The following ABCB7 variants were observed in gnomAD, a reference collection of about 807,000 sequenced individuals.
ABCB7 encodes the protein ATP binding cassette subfamily B member 7.
A neutral mutation model predicts 54.4 loss-of-function variants in ABCB7; 7 were observed. That is an observed-to-expected ratio of 0.13 (90% CI 0.07 to 0.24). The LOEUF (loss-of-function observed/expected upper bound fraction) is 0.24. Among genes scored for constraint, ABCB7 ranks in the 10% least tolerant of loss-of-function variants. The pLI is 1.00. For missense variants in ABCB7, 356 were observed against 570.4 expected (o/e 0.62, Z 3.83); for synonymous variants, 218 against 207.1 (o/e 1.05, Z -0.45).
chrX:75,137,654 A>G (rs1468819116), intron 1 of ABCB7, among the ~76,000 whole-genome samples: 3 of 112,685 alleles, frequency 2.7e-5, no homozygotes, highest in African/African-American at 9.7e-5. Flanking sequence ...GGTGGACTGA[A>G]TAAAGAAAAT....
chrX:75,127,027 A>G (rs1294718363), intron 1 of ABCB7, among the ~76,000 whole-genome samples: 1 of 111,710 alleles, frequency 9.0e-6, no homozygotes, highest in Non-Finnish European at 1.9e-5. Flanking sequence ...CAAACAATGG[A>G]AAAAAAGGGA....
At chrX:75,106,016 A>G (rs2081697447) in intron 3 of ABCB7, among the ~76,000 whole-genome samples, 1 of 112,031 alleles carries the variant, frequency 8.9e-6, no homozygotes, top group African/African-American at 3.2e-5. Context: ...AGCCTAGAAG[A>G]AAACCTAGAA....
intron 15 of ABCB7, among the ~76,000 whole-genome samples, chrX:75,054,667 A>G (rs1427228353): frequency 9.2e-6 from 1 of 108,831 alleles, no homozygotes; most frequent in Non-Finnish European, 1.9e-5. Context: ...TCTCAACAGT[A>G]TTTTTCTCAT....
chrX:75,070,608 G>A (rs2081356555), intron 9 of ABCB7, 86 bp from the exon 10 acceptor site: 30 of 927,566 alleles, frequency 3.2e-5, no homozygotes, highest in South Asian at 2.1e-4. Context: ...CTATTACGAC[G>A]GAACAAAATA....
intron 1 of ABCB7, among the ~76,000 whole-genome samples, chrX:75,115,128 C>T (rs1383006988): frequency 1.9e-5 from 2 of 107,386 alleles, no homozygotes; most frequent in Admixed American, 1.0e-4. Context: ...ATTAGCTGGG[C>T]GTGGTGGCGT....
At chrX:75,059,200 G>A (rs1440285722) in intron 15 of ABCB7, among the ~76,000 whole-genome samples, 1 of 111,033 alleles carries the variant, frequency 9.0e-6, no homozygotes, top group Non-Finnish European at 1.9e-5. Flanking sequence ...ATGTGACCAG[G>A]TGTGATGGTT....
At chrX:75,080,774 C>T (rs753251340) in intron 4 of ABCB7, among the ~76,000 whole-genome samples, 46 of 111,980 alleles carry the variant, frequency 4.1e-4, no homozygotes, top group Non-Finnish European at 7.5e-4. Context: ...CAATCTATAT[C>T]GTCTCTTTGG....
intron 1 of ABCB7, among the ~76,000 whole-genome samples, chrX:75,129,398 A>G (rs1017412971): frequency 6.3e-5 from 7 of 110,306 alleles, no homozygotes; most frequent in African/African-American, 2.3e-4. Flanking sequence ...TTGAACAATG[A>G]GAACATACGG....
At chrX:75,077,299 T>G (rs73216290) in intron 4 of ABCB7, among the ~76,000 whole-genome samples, 1,491 of 111,942 alleles carry the variant, frequency 0.013, 12 homozygotes, top group Non-Finnish European at 0.021. Context: ...CAAAGCCCAA[T>G]TATTATCAAA....
chrX:75,149,894 A>G, intron 1 of ABCB7, among the ~76,000 whole-genome samples: 1 of 111,685 alleles, frequency 9.0e-6, no homozygotes, highest in Non-Finnish European at 1.9e-5. Flanking sequence ...GACACAAAAA[A>G]GCACATGGTC....
intron 3 of ABCB7, among the ~76,000 whole-genome samples, chrX:75,104,047 G>GTTTTTCTTTTTTT (rs2081663595): frequency 7.4e-5 from 1 of 13,443 alleles, no homozygotes; most frequent in East Asian, 7.2e-3. Flanking sequence ...TCTTGTTACA[G>GTTTTTCTTTTTTT]TTTTTTTTTT....
chrX:75,108,254 T>C (rs1357508128), intron 3 of ABCB7, among the ~76,000 whole-genome samples: 2 of 111,320 alleles, frequency 1.8e-5, no homozygotes, highest in Non-Finnish European at 1.9e-5. Flanking sequence ...TCTGGACCCA[T>C]GCAAGGCCTG....
intron 6 of ABCB7, 112 bp downstream of exon 6, chrX:75,075,250 G>T: frequency 1.2e-6 from 1 of 860,110 alleles, no homozygotes; most frequent in Non-Finnish European, 1.6e-6. Context: ...CTGGCATCAT[G>T]GAATTTTGCT....
intron 9 of ABCB7, among the ~76,000 whole-genome samples, chrX:75,071,206 C>G (rs776525660): frequency 1.0e-4 from 11 of 110,249 alleles, no homozygotes; most frequent in Admixed American, 9.7e-4. Context: ...AATTACATTG[C>G]TTTACAGGTC....
chrX:75,156,046 C>A, intron 1 of ABCB7, 59 bp downstream of exon 1: 2 of 1,183,696 alleles, frequency 1.7e-6, no homozygotes, highest in Middle Eastern at 2.3e-4. Flanking sequence ...GGAGGGCAAC[C>A]TTTTCCCTAC....
intron 1 of ABCB7, among the ~76,000 whole-genome samples, chrX:75,121,679 T>C (rs1404177688): frequency 7.1e-5 from 8 of 112,400 alleles, no homozygotes; most frequent in Non-Finnish European, 1.3e-4. Context: ...GCACAGTTCA[T>C]TGAAAGCCTT....
intron 1 of ABCB7, among the ~76,000 whole-genome samples, chrX:75,120,832 T>C (rs1280384307): frequency 1.8e-5 from 2 of 109,959 alleles, no homozygotes; most frequent in East Asian, 5.8e-4. Flanking sequence ...GAATGTTGCT[T>C]TCTGACAGGC....
At chrX:75,123,189 A>G (rs947967202) in intron 1 of ABCB7, among the ~76,000 whole-genome samples, 1 of 110,962 alleles carries the variant, frequency 9.0e-6, no homozygotes, top group Non-Finnish European at 1.9e-5. Flanking sequence ...CCTCTTATCC[A>G]TTTTGAGGGG....
chrX:75,144,485 G>GA (rs1389752458), intron 1 of ABCB7, among the ~76,000 whole-genome samples: 1 of 111,141 alleles, frequency 9.0e-6, no homozygotes, highest in African/African-American at 3.3e-5. Flanking sequence ...TAATCCTGGT[G>GA]AAAACCACTA....
Sources: gnomAD v4.1 joint callset for allele counts (sites outside exome capture counted in the v4.1 genomes callset) on GRCh38, gnomAD v4.1.1 for gene constraint, MANE v1.5 for transcripts, NCBI Gene and HGNC (gene_info 2026-07-23, HGNC 2026-07-21) for gene names.